THOC1: variants seen among roughly 807,000 people sequenced by gnomAD.
THOC1 encodes the protein THO complex subunit 1.
Under a neutral mutation model 97.3 loss-of-function variants are expected in THOC1, and 29 were observed. That is an observed-to-expected ratio of 0.30 (90% CI 0.22 to 0.41). The LOEUF (loss-of-function observed/expected upper bound fraction) is 0.41, where lower values mean the gene tolerates loss of function less well. THOC1 is among the 10% of genes least tolerant of loss of function. The pLI, the probability that THOC1 is intolerant of heterozygous loss-of-function variation, is 1.00. For missense variants in THOC1, 529 were observed against 761.9 expected (o/e 0.69, Z 3.60); for synonymous variants, 255 against 257.0 (o/e 0.99, Z 0.07).
chr18:261,211 T>C (rs1197475949), intron 4 of THOC1: 2 of 152,180 alleles, frequency 1.3e-5, no homozygotes, highest in African/African-American at 4.8e-5. Context: ...CTAGACTACT[T>C]AGAATACTTT....
At position 227,652 on chromosome 18, in the gene THOC1, C is replaced by T. The variant is rs184858301; in HGVS notation, c.919-751G>A. Among the ~76,000 whole-genome samples, 5 of 152,092 alleles carry T rather than the reference C, an allele frequency of 3.3e-5. No individual in the cohort carries two copies. In the East Asian group the frequency reaches 5.8e-4, roughly 18 times the overall value. On this transcript the variant is annotated intron_variant, in intron 11 of 20. Transcript: ENST00000261600. ...ATCCAGCTGTAAGAATAACCTGCGG[C>T]GATGAAGGAAGGTCATTCTGATTAT...
rs1911943583 is a variant in THOC1, at chr18:242,522, A to G, written c.918+3802T>C. 6.6e-6 allele frequency among the ~76,000 whole-genome samples: 1 copy of G among 152,172 alleles called. No homozygotes were observed. Among genetic ancestry groups the G allele is most frequent in the Non-Finnish European group, 1.5e-5 (1 of 68,020 alleles). On this transcript the variant is annotated intron_variant, in intron 11 of 20. Coordinates refer to ENST00000261600, the MANE Select transcript of THOC1 (RefSeq NM_005131.3). The surrounding 1 kb of genome is among the most constrained non-coding windows in gnomAD (Gnocchi z 4.5). ...CCTAAGGAAAAGTCTGACCAGATTC[A>G]TGTAACAAAACACAATGCTTCTGGA...
Position 214,538 on chromosome 18 carries a change from T to C in THOC1, c.*88A>G. The C allele has an allele frequency of 1.9e-6, 2 of 1,063,062 alleles. No individual in the cohort carries two copies. The highest frequency in any genetic ancestry group is 2.7e-6 in the Non-Finnish European group (2 of 736,196). 65.9% of individuals were successfully genotyped at this position (1,063,062 alleles called of 1,614,324 possible). ...ACAACAATTGTTATAAAAATGTTTA[T>C]TGTTTACCAAAACCAGTGGACCTCT... On this transcript the variant is annotated 3_prime_UTR_variant, in exon 21 of 21. Coordinates refer to ENST00000261600, the MANE Select transcript of THOC1 (RefSeq NM_005131.3).
chr18:227,250 A>G (rs931868850), intron 11 of THOC1, among the ~76,000 whole-genome samples: 38 of 152,172 alleles, frequency 2.5e-4, no homozygotes, highest in African/African-American at 8.2e-4. Flanking sequence ...GGAAGCTGAG[A>G]AGGAGGATCA....
At position 234,585 on chromosome 18, in the gene THOC1, T is replaced by C. The variant is rs552321608; in HGVS notation, c.919-7684A>G. On this transcript the variant is annotated intron_variant, in intron 11 of 20. Coordinates refer to ENST00000261600, the MANE Select transcript of THOC1 (RefSeq NM_005131.3). ...TTTTTTCAGACACGGTCTTGCTGTGTTGCCCAGGCTGGTCTTGAACTCCTG... is the reference window on the plus strand; with the variant it reads ...TTTTTTCAGACACGGTCTTGCTGTGCTGCCCAGGCTGGTCTTGAACTCCTG... Among the ~76,000 whole-genome samples, 3 of 152,310 alleles carry C rather than the reference T, an allele frequency of 2.0e-5. No individual in the cohort carries two copies. In the South Asian group the frequency reaches 6.2e-4, roughly 32 times the overall value.
intron 16 of THOC1, 99 bp downstream of exon 16, chr18:223,979 CCAAACA>C: frequency 3.5e-6 from 3 of 861,494 alleles, no homozygotes; most frequent in Non-Finnish European, 5.6e-6. Context: ...TATGTGTGTA[CCAAACA>C]CAATCTCATA....
intron 9 of THOC1, among the ~76,000 whole-genome samples, chr18:250,241 G>A (rs1010845184): frequency 1.3e-5 from 2 of 152,140 alleles, no homozygotes; most frequent in Non-Finnish European, 2.9e-5. Flanking sequence ...CCTAGATGCT[G>A]TCCCTTGCTC....
At chr18:218,732 T>A (rs1910980849) in intron 18 of THOC1, among the ~76,000 whole-genome samples, 154 bp downstream of exon 18, 1 of 152,140 alleles carries the variant, frequency 6.6e-6, no homozygotes, top group Non-Finnish European at 1.5e-5. Context: ...AATCAGGATG[T>A]GTACTAACAA....
chr18:223,577 AAAAC>A, intron 16 of THOC1, 72 bp from the exon 17 acceptor site: 2 of 1,182,444 alleles, frequency 1.7e-6, no homozygotes, highest in Non-Finnish European at 2.4e-6. Context: ...ACTGAACAGA[AAAAC>A]AATACAATGT....
chr18:259,797 C>A (rs1912546537), intron 5 of THOC1, 67 bp from the exon 6 acceptor site: 3 of 1,272,182 alleles, frequency 2.4e-6, no homozygotes, highest in South Asian at 1.4e-5. Context: ...TAATAAGTTG[C>A]CAGAGTGAAA....
At position 216,527 on chromosome 18, in the gene THOC1, A is replaced by T; in HGVS notation, c.1561T>A (p.Tyr521Asn). Residue 521 changes from tyrosine (Y) to asparagine (N), a missense_variant, in exon 19 of 21, where the codon TAT (tyrosine) becomes AAT (asparagine). Around this residue, in one of 8 missense-constraint regions of THOC1, gnomAD observed 27 missense variants for 80.6 expected, o/e 0.33. Transcript: ENST00000261600. ...TNQQFKSLPE[Y>N]LENMVIKLAK... ...AGCTTTATTACCATATTTTCAAGATATTCTGGTAAACTTTTAAACTGCTGG... is the reference window on the plus strand; with the variant it reads ...AGCTTTATTACCATATTTTCAAGATTTTCTGGTAAACTTTTAAACTGCTGG... 1 of 1,613,958 alleles carries T rather than the reference A, an allele frequency of 6.2e-7. No homozygotes were observed. The highest frequency in any genetic ancestry group is 8.5e-7 in the Non-Finnish European group (1 of 1,179,862).
intron 17 of THOC1, among the ~76,000 whole-genome samples, chr18:221,790 A>G (rs1435970413): frequency 1.3e-5 from 2 of 152,006 alleles, no homozygotes; most frequent in Non-Finnish European, 2.9e-5. Flanking sequence ...TTGTATTTTT[A>G]GTAGAGACGG....
At chr18:238,650 ATATAATC>A (rs1329311406) in intron 11 of THOC1, among the ~76,000 whole-genome samples, 8 of 152,234 alleles carry the variant, frequency 5.3e-5, no homozygotes, top group African/African-American at 1.9e-4. Flanking sequence ...ACACAGTATT[ATATAATC>A]TATAATCTTA....
At chr18:216,203 C>T (rs139853426) in intron 19 of THOC1, 5 of 277,188 alleles carry the variant, frequency 1.8e-5, no homozygotes, top group African/African-American at 6.7e-5. Flanking sequence ...CCACCCGCCT[C>T]GGCCTCCCAA....
chr18:221,935 T>G (rs1911108003), intron 17 of THOC1, among the ~76,000 whole-genome samples: 1 of 152,058 alleles, frequency 6.6e-6, no homozygotes, highest in African/African-American at 2.4e-5. Context: ...TAACACCAAT[T>G]TCTGTCTTTG....
At chr18:220,093 T>C (rs1911025963) in intron 17 of THOC1, among the ~76,000 whole-genome samples, 1 of 152,222 alleles carries the variant, frequency 6.6e-6, no homozygotes, top group African/African-American at 2.4e-5. Flanking sequence ...ACAGATACTA[T>C]ATTCCATTTT....
At chr18:234,348 T>C (rs1489368345) in intron 11 of THOC1, among the ~76,000 whole-genome samples, 2 of 152,346 alleles carry the variant, frequency 1.3e-5, no homozygotes, top group Middle Eastern at 3.4e-3. Context: ...TGTCCATCCA[T>C]GTCTTCTTTT....
intron 12 of THOC1, chr18:225,604 T>C: frequency 3.6e-6 from 2 of 556,544 alleles, no homozygotes; most frequent in South Asian, 4.9e-5. Flanking sequence ...ACTGAAGACA[T>C]AAAAGCATAT....
At chr18:249,371 T>TA (rs1413587127) in intron 9 of THOC1, among the ~76,000 whole-genome samples, 6 of 152,006 alleles carry the variant, frequency 3.9e-5, no homozygotes, top group Non-Finnish European at 7.4e-5. Context: ...ATTGGGTTTT[T>TA]AAAAAAAGCC....
Sources: allele counts gnomAD v4.1 joint callset (sites outside exome capture counted in the v4.1 genomes callset), GRCh38; gene constraint gnomAD v4.1.1; regional missense constraint gnomAD v4.1.1; non-coding constraint Gnocchi (gnomAD v3.1); transcripts MANE v1.5; gene names NCBI Gene and HGNC (gene_info 2026-07-23, HGNC 2026-07-21).